Variants in CLMN observed in about 807,000 individuals in gnomAD.
CLMN encodes the protein calmin (calponin-like, transmembrane).
Under a neutral mutation model 92.7 loss-of-function variants are expected in CLMN, and 57 were observed. The ratio of observed to expected loss-of-function variants is 0.61; its 90% CI spans 0.50 to 0.77. The LOEUF (loss-of-function observed/expected upper bound fraction) is 0.77, where lower values mean the gene tolerates loss of function less well. CLMN is among the 30% of genes least tolerant of loss of function. The pLI, the probability that CLMN is intolerant of heterozygous loss-of-function variation, is 0.00. For missense variants in CLMN, 1,158 were observed against 1,237.5 expected (o/e 0.94, Z 0.96); for synonymous variants, 466 against 470.6 (o/e 0.99, Z 0.13).
intron 1 of CLMN, among the ~76,000 whole-genome samples, chr14:95,238,110 G>T (rs1258187103): frequency 6.6e-6 from 1 of 152,110 alleles, no homozygotes; most frequent in Non-Finnish European, 1.5e-5. Context: ...GCCCTCAGAC[G>T]GCCCCTGCCT....
At chr14:95,233,139 C>G (rs982327175) in intron 1 of CLMN, among the ~76,000 whole-genome samples, 2 of 152,214 alleles carry the variant, frequency 1.3e-5, no homozygotes, top group African/African-American at 4.8e-5. Context: ...CATTCAAACA[C>G]TCAGGCTGGT....
At chr14:95,253,931 A>G (rs981897000) in intron 1 of CLMN, among the ~76,000 whole-genome samples, 1 of 152,168 alleles carries the variant, frequency 6.6e-6, no homozygotes, top group Non-Finnish European at 1.5e-5. Flanking sequence ...ACAGTTTTTT[A>G]GGCCCAGGAC....
chr14:95,306,432 T>C (rs764042094), intron 1 of CLMN, among the ~76,000 whole-genome samples: 77 of 152,072 alleles, frequency 5.1e-4, no homozygotes, highest in Non-Finnish European at 1.1e-3. Context: ...GGCAGGAGAA[T>C]TGCTTGAACC....
chr14:95,243,281 A>C (rs1056205355), intron 1 of CLMN, among the ~76,000 whole-genome samples: 1 of 150,936 alleles, frequency 6.6e-6, no homozygotes, highest in Non-Finnish European at 1.5e-5. Context: ...CATTCTCTTT[A>C]CTGTTATGAG....
At position 95,182,332 on chromosome 14, in the gene CLMN, T is replaced by C. The variant is rs1342912212; in HGVS notation, c.*9232A>G. 6.6e-6 allele frequency: 1 copy of C among 152,196 alleles called. No homozygotes were observed. Among genetic ancestry groups the C allele is most frequent in the Non-Finnish European group, 1.5e-5 (1 of 68,028 alleles). The allele number at this position is 152,196 out of a possible 1,614,324, so 9.4% of individuals were successfully genotyped here. A position where few individuals can be genotyped will look rare whatever the true frequency, so the allele number is the denominator to read the frequency against. The stretch of plus-strand genomic sequence containing the variant: ...ATAAGGAAACATTCAATCTGCTCAA[T>C]AGACCAGACTCCCCCAAAATAAAAC... On this transcript the variant is annotated 3_prime_UTR_variant, in exon 13 of 13. Transcript: ENST00000298912.
At chr14:95,291,371 C>T (rs961843164) in intron 1 of CLMN, among the ~76,000 whole-genome samples, 23 of 152,204 alleles carry the variant, frequency 1.5e-4, no homozygotes, top group Non-Finnish European at 1.5e-5. Context: ...GCAGCTCCTG[C>T]GTCTCGGGGC....
In CLMN at chr14:95,204,347, A is replaced by G. The variant is rs779735347; in HGVS notation, c.1002T>C (p.Arg334=). The change falls in exon 9 of 13, where the codon CGT becomes CGC. Residue 334 remains arginine, a synonymous_variant. Transcript: ENST00000298912. Reference sequence around the variant, plus strand: ...TGGTTTCATGGTTAACAGTGTAGGTACGCTCCCCATTTTCAGTCAGAACGA... The same window carrying G: ...TGGTTTCATGGTTAACAGTGTAGGTGCGCTCCCCATTTTCAGTCAGAACGA... The part of the protein sequence containing the change: ...KVFVLTENGE[R]TYTVNHETSH... 40 of 1,614,086 alleles carry G rather than the reference A, an allele frequency of 2.5e-5. 1 individual carries two copies. The South Asian group carries it at 4.3e-4, about 17-fold the overall frequency.
rs1408485696 is a variant in CLMN, at chr14:95,240,906, T to C, written c.83-10773A>G. ...CCTCCATGGCACCTTGCCGGGCTGC[T>C]TGAACCCCTTCAAAGCAAACATCTT... On this transcript the variant is annotated intron_variant, in intron 1 of 12. Coordinates refer to ENST00000298912, the MANE Select transcript of CLMN (RefSeq NM_024734.4). Among the ~76,000 whole-genome samples the C allele has an allele frequency of 1.3e-5, 2 of 152,168 alleles. 1 individual carries two copies. The highest frequency in any genetic ancestry group is 2.9e-5 in the Non-Finnish European group (2 of 68,026).
chr14:95,236,081 C>T (rs1435379218), intron 1 of CLMN, among the ~76,000 whole-genome samples: 2 of 152,234 alleles, frequency 1.3e-5, no homozygotes, highest in African/African-American at 2.4e-5. Context: ...GCCGCCACTT[C>T]CCATGCAATA....
chr14:95,294,101 A>G lies in CLMN; in HGVS notation c.82+25610T>C, dbSNP rs1595105369. On this transcript the variant is annotated intron_variant, in intron 1 of 12. Coordinates refer to ENST00000298912, the MANE Select transcript of CLMN (RefSeq NM_024734.4). This position sits in a 1 kb window ranked among gnomAD's most constrained non-coding sequence, Gnocchi z 4.2. ...AGGCGAACCTCTTCCTACCTACCTC[A>G]CCCTAAACAGCCAGGAGAGTGCGTG... Among the ~76,000 whole-genome samples the G allele has an allele frequency of 6.6e-6, 1 of 152,062 alleles. No individual in the cohort carries two copies. Among genetic ancestry groups the G allele is most frequent in the South Asian group, 2.1e-4 (1 of 4,816 alleles).
chr14:95,310,769 G>A (rs1901502577), intron 1 of CLMN, among the ~76,000 whole-genome samples: 2 of 152,206 alleles, frequency 1.3e-5, no homozygotes, highest in Non-Finnish European at 2.9e-5. Context: ...CATGGTCACA[G>A]TCATTCTCTG....
intron 1 of CLMN, among the ~76,000 whole-genome samples, chr14:95,292,965 T>C (rs1416821348): frequency 6.6e-6 from 1 of 152,014 alleles, no homozygotes; most frequent in African/African-American, 2.4e-5. Context: ...AGTGGGTAAG[T>C]GACACAGAGC....
At chr14:95,300,954 T>C (rs1901026738) in intron 1 of CLMN, among the ~76,000 whole-genome samples, 1 of 152,240 alleles carries the variant, frequency 6.6e-6, no homozygotes, top group Non-Finnish European at 1.5e-5. Flanking sequence ...AGAAGGGCTC[T>C]GGTTGGTTTG....
chr14:95,247,603 C>T (rs1350682650), intron 1 of CLMN, among the ~76,000 whole-genome samples: 2 of 152,152 alleles, frequency 1.3e-5, no homozygotes, highest in African/African-American at 4.8e-5. Flanking sequence ...ATGGTGTGCA[C>T]ACCAGAAGGG....
chr14:95,291,158 G>C (rs572331464), intron 1 of CLMN, among the ~76,000 whole-genome samples: 1 of 152,342 alleles, frequency 6.6e-6, no homozygotes, highest in South Asian at 2.1e-4. Context: ...GTGGAACCCG[G>C]GCTGTGACAG....
chr14:95,229,772 T>G lies in CLMN; in HGVS notation c.144+300A>C, dbSNP rs114398333. ...GGCAATCAAGATGCGCACCTGAGTT[T>G]CAGGTGTTGGTGTGTTCAATAATGA... is the stretch of plus-strand genomic sequence containing the variant. On this transcript the variant is annotated intron_variant, in intron 2 of 12. Coordinates refer to ENST00000298912, the MANE Select transcript of CLMN (RefSeq NM_024734.4). Among the ~76,000 whole-genome samples, 638 of 152,222 alleles carry G rather than the reference T, an allele frequency of 4.2e-3. 2 individuals are homozygous for G. The highest frequency in any genetic ancestry group is 0.015 in the African/African-American group (603 of 41,544).
intron 1 of CLMN, among the ~76,000 whole-genome samples, chr14:95,289,522 C>CAAAA (rs1566915819): frequency 6.7e-6 from 1 of 148,950 alleles, no homozygotes; most frequent in Non-Finnish European, 1.5e-5. Flanking sequence ...AACAAACAAA[C>CAAAA]AAAAAAACCG....
chr14:95,206,133 T>C (rs1452019096), intron 8 of CLMN, among the ~76,000 whole-genome samples: 3 of 152,230 alleles, frequency 2.0e-5, no homozygotes, highest in Non-Finnish European at 2.9e-5. Context: ...AGAAAGCTGC[T>C]ATGGCTATGT....
intron 1 of CLMN, among the ~76,000 whole-genome samples, chr14:95,275,120 C>A (rs542485667): frequency 9.9e-5 from 15 of 152,144 alleles, no homozygotes; most frequent in Non-Finnish European, 1.6e-4. Flanking sequence ...AAATCCCAGA[C>A]TCAGGGCACT....
Sources: gnomAD v4.1 joint callset for allele counts (sites outside exome capture counted in the v4.1 genomes callset) on GRCh38, gnomAD v4.1.1 for gene constraint, Gnocchi (gnomAD v3.1) non-coding constraint, MANE v1.5 for transcripts, NCBI Gene and HGNC (gene_info 2026-07-23, HGNC 2026-07-21) for gene names.